Variants in NCOA5 observed in about 807,000 individuals in gnomAD.
NCOA5 encodes nuclear receptor coactivator 5.
Under a neutral mutation model 59.0 loss-of-function variants are expected in NCOA5, and 12 were observed. The ratio of observed to expected loss-of-function variants is 0.20; its 90% CI spans 0.13 to 0.33. The LOEUF (loss-of-function observed/expected upper bound fraction) is 0.33, where lower values mean the gene tolerates loss of function less well. Ranked by LOEUF, NCOA5 falls within the 10% of genes least tolerant of loss-of-function variation. NCOA5 has a pLI of 1.00. For synonymous variants in NCOA5, 270 were observed against 275.5 expected, an observed-to-expected ratio of 0.98 and a Z score of 0.20; for missense variants, 655 against 766.6, an observed-to-expected ratio of 0.85 and a Z score of 1.72.
At chr20:46,072,427 T>C (rs1008939759) in intron 2 of NCOA5, among the ~76,000 whole-genome samples, 3 of 152,198 alleles carry the variant, frequency 2.0e-5, no homozygotes, top group African/African-American at 7.2e-5. Context: ...CTTGAACTCC[T>C]GGGCTCAAGT....
chr20:46,065,007 C>A lies in NCOA5; in HGVS notation c.829+22G>T, dbSNP rs368658697. The A allele has an allele frequency of 2.0e-4, 330 of 1,613,166 alleles. 1 individual carries two copies. Among genetic ancestry groups the A allele is most frequent in the Middle Eastern group, 1.7e-3 (10 of 5,806 alleles). ...GGACTAATAATGGACTAGTGACTAC[C>A]TCCGGTATTCTGACTCTGTACCTTG... On this transcript the variant is annotated intron_variant, in intron 6 of 7. Coordinates refer to ENST00000290231, the MANE Select transcript of NCOA5 (RefSeq NM_020967.3).
At chr20:46,078,582 C>A (rs919378088) in intron 2 of NCOA5, among the ~76,000 whole-genome samples, 2 of 152,190 alleles carry the variant, frequency 1.3e-5, no homozygotes, top group African/African-American at 4.8e-5. Context: ...TGAAATATAT[C>A]ATTCGTATGA....
At chr20:46,083,410 C>G (rs78566750) in intron 1 of NCOA5, among the ~76,000 whole-genome samples, 20 of 152,214 alleles carry the variant, frequency 1.3e-4, no homozygotes, top group East Asian at 3.8e-4. Flanking sequence ...CAGCTCCCTT[C>G]TCTGTTTATA....
chr20:46,069,528 G>A (rs190837366), intron 3 of NCOA5, among the ~76,000 whole-genome samples: 1 of 152,138 alleles, frequency 6.6e-6, no homozygotes. Flanking sequence ...TTGAGCTCAG[G>A]AGTTCAAGAC....
intron 4 of NCOA5, among the ~76,000 whole-genome samples, chr20:46,067,578 A>G (rs949638992): frequency 2.0e-5 from 2 of 100,592 alleles, no homozygotes; most frequent in African/African-American, 6.7e-5. Flanking sequence ...TTTTTTGGGG[A>G]AAAAATCAAG....
chr20:46,087,946 A>G (rs2085060831), intron 1 of NCOA5, among the ~76,000 whole-genome samples: 1 of 147,982 alleles, frequency 6.8e-6, no homozygotes, highest in Non-Finnish European at 1.5e-5. Context: ...ACATGTTTTT[A>G]ACAGGGGGAG....
rs752065077 is a variant in NCOA5 at position 46,062,533 on chromosome 20, C to T, written c.1507G>A (p.Ala503Thr). The change falls in exon 8 of 8, where the codon GCT (alanine) becomes ACT (threonine). Residue 503 changes from alanine to threonine, a missense_variant. Coordinates refer to ENST00000290231, the MANE Select transcript of NCOA5 (RefSeq NM_020967.3). ...TGGCCAAAAAGCCCTTGGGAAGGAG[C>T]CCCAGGTCTGGGGCCCATGTTCTGA... ...SAQNMGPRPG[A>T]PSQGLFGQPS... is the part of the protein sequence containing the mutation. 8 of 1,614,030 alleles carry T rather than the reference C, an allele frequency of 5.0e-6. No individual in the cohort carries two copies. The highest frequency in any genetic ancestry group is 1.7e-5 in the Admixed American group (1 of 60,000).
intron 1 of NCOA5, among the ~76,000 whole-genome samples, chr20:46,089,355 G>A (rs901172893): frequency 8.5e-5 from 13 of 152,240 alleles, no homozygotes; most frequent in Non-Finnish European, 1.9e-4. Context: ...TACACCGCTC[G>A]GCGCTGCACG....
intron 2 of NCOA5, among the ~76,000 whole-genome samples, chr20:46,072,105 C>T (rs1018038711): frequency 6.6e-6 from 1 of 152,148 alleles, no homozygotes; most frequent in African/African-American, 2.4e-5. Flanking sequence ...ACCACATTTC[C>T]AAATTTTCTC....
At chr20:46,064,436 T>C (rs896175640) in intron 6 of NCOA5, among the ~76,000 whole-genome samples, 1 of 152,238 alleles carries the variant, frequency 6.6e-6, no homozygotes, top group Non-Finnish European at 1.5e-5. Context: ...AAGCTACTTC[T>C]GAGGAGGACT....
rs2084773527 is a variant in NCOA5 at position 46,062,199 on chromosome 20, C to G, written c.*101G>C. ...GAAATTGATGACACTCGATGCCGGC[C>G]TGGGAGCGCAGAGAACATCCTCCAA... On this transcript the variant is annotated 3_prime_UTR_variant, in exon 8 of 8. Transcript: ENST00000290231. The G allele has an allele frequency of 2.3e-6, 2 of 876,298 alleles. No individual in the cohort carries two copies. Among genetic ancestry groups the G allele is most frequent in the Non-Finnish European group, 3.4e-6 (2 of 583,660 alleles). 54.3% of individuals were successfully genotyped at this position (876,298 alleles called of 1,614,324 possible).
At position 46,071,612 on chromosome 20, in the gene NCOA5, A is replaced by G. The variant is rs568547250; in HGVS notation, c.39-1076T>C. The stretch of plus-strand genomic sequence containing the variant: ...ACTTCTATGTTAGAAAGCCTAATAA[A>G]TCTGACAGCTATTATCTCCCTCTCA... On this transcript the variant is annotated intron_variant, in intron 2 of 7. Coordinates refer to ENST00000290231, the MANE Select transcript of NCOA5 (RefSeq NM_020967.3). Among the ~76,000 whole-genome samples the G allele has an allele frequency of 5.0e-3, 760 of 152,302 alleles. 11 individuals are homozygous for G. The highest frequency in any genetic ancestry group is 0.018 in the African/African-American group (735 of 41,558).
Position 46,080,707 on chromosome 20 carries a change from G to C in NCOA5, c.-29-1254C>G, listed in dbSNP as rs181746479. ...TAATTTGTCTAGAAAAATGGCTTCT[G>C]ACAAAACTGAAAATAATATAAAGCT... is the stretch of plus-strand genomic sequence containing the variant. On this transcript the variant is annotated intron_variant, in intron 1 of 7. Transcript: ENST00000290231. Among the ~76,000 whole-genome samples, 7 of 152,060 alleles carry C rather than the reference G, an allele frequency of 4.6e-5. No individual in the cohort carries two copies. The East Asian group carries it at 7.7e-4, about 17-fold the overall frequency.
chr20:46,064,476 T>G (rs2084800385), intron 6 of NCOA5, among the ~76,000 whole-genome samples: 1 of 152,178 alleles, frequency 6.6e-6, no homozygotes, highest in Non-Finnish European at 1.5e-5. Context: ...CTCTACAGGG[T>G]CACGGCCTCT....
At chr20:46,079,664 C>T (rs75193673) in intron 1 of NCOA5, among the ~76,000 whole-genome samples, 2,033 of 152,276 alleles carry the variant, frequency 0.013, 22 homozygotes, top group South Asian at 0.022. Context: ...AATGTCCCTT[C>T]GTTTTCTAGT....
At chr20:46,072,139 T>C (rs957183180) in intron 2 of NCOA5, among the ~76,000 whole-genome samples, 4 of 152,172 alleles carry the variant, frequency 2.6e-5, no homozygotes, top group African/African-American at 9.7e-5. Flanking sequence ...TTCTGCCCAC[T>C]TTCCTTTACC....
intron 2 of NCOA5, among the ~76,000 whole-genome samples, chr20:46,071,762 T>G (rs1455480897): frequency 1.3e-5 from 2 of 152,212 alleles, no homozygotes; most frequent in African/African-American, 4.8e-5. Context: ...CCAAGTACCA[T>G]CCAATCCACA....
Position 46,062,393 on chromosome 20 carries a change from C to G in NCOA5, c.1647G>C (p.Gln549His). 2 of 1,614,176 alleles carry G rather than the reference C, an allele frequency of 1.2e-6. No homozygotes were observed. Among genetic ancestry groups the G allele is most frequent in the South Asian group, 2.2e-5 (2 of 91,076 alleles). ...SVQKALDTLIQSGPALSHLVS... is the reference protein window; with the variant it reads ...SVQKALDTLIHSGPALSHLVS... ...CCAGGTGGGAGAGAGCAGGGCCACT[C>G]TGGATCAGGGTATCCAGAGCCTTCT... is the stretch of plus-strand genomic sequence containing the variant. Residue 549 changes from glutamine (Q) to histidine (H), a missense_variant, in exon 8 of 8, where the codon CAG becomes CAC. Physicochemically the swap from Gln to His is conservative, Grantham distance 24 (BLOSUM62 0). Transcript: ENST00000290231.
chr20:46,062,150 G>A lies in NCOA5; in HGVS notation c.*150C>T. On this transcript the variant is annotated 3_prime_UTR_variant, in exon 8 of 8. Coordinates refer to ENST00000290231, the MANE Select transcript of NCOA5 (RefSeq NM_020967.3). ...TGTAAGGAATAAGCAACACAGCCTT[G>A]GGCAGAAGAGAGAGCAGGTGGTAGA... 3.2e-6 allele frequency: 2 copies of A among 617,350 alleles called. No individual in the cohort carries two copies. Among genetic ancestry groups the A allele is most frequent in the Admixed American group, 2.9e-5 (1 of 33,906 alleles). 38.2% of individuals were successfully genotyped at this position (617,350 alleles called of 1,614,324 possible). A position where few individuals can be genotyped will look rare whatever the true frequency, so the allele number is the denominator to read the frequency against.
Sources: allele counts gnomAD v4.1 joint callset (sites outside exome capture counted in the v4.1 genomes callset), GRCh38; gene constraint gnomAD v4.1.1; transcripts MANE v1.5; gene names NCBI Gene and HGNC (gene_info 2026-07-23, HGNC 2026-07-21).